The following CPA6 variants were observed in gnomAD, a reference collection of about 807,000 sequenced individuals.
CPA6 encodes carboxypeptidase B.
Under a neutral mutation model 63.3 loss-of-function variants are expected in CPA6, and 58 were observed. That is an observed-to-expected ratio of 0.92 (90% CI 0.74 to 1.14). The LOEUF (loss-of-function observed/expected upper bound fraction) is 1.14. Ranked by LOEUF, CPA6 falls within the 50% of genes most tolerant of loss-of-function variation. CPA6 has a pLI of 0.00. For synonymous variants in CPA6, 185 were observed against 179.0 expected, an observed-to-expected ratio of 1.03 and a Z score of -0.27; for missense variants, 565 against 526.6, an observed-to-expected ratio of 1.07 and a Z score of -0.71.
chr8:67,646,696 G>T (rs1285064025), intron 1 of CPA6, among the ~76,000 whole-genome samples: 1 of 152,186 alleles, frequency 6.6e-6, no homozygotes, highest in Non-Finnish European at 1.5e-5. Context: ...GGGTGGCCAT[G>T]GAAGGATCCC....
chr8:67,431,794 G>T (rs958158397), intron 9 of CPA6, among the ~76,000 whole-genome samples: 1 of 151,936 alleles, frequency 6.6e-6, no homozygotes, highest in African/African-American at 2.4e-5. Flanking sequence ...GGTGGAATTT[G>T]CTCAGAATTC....
At chr8:67,697,049 C>T (rs1816925012) in intron 1 of CPA6, among the ~76,000 whole-genome samples, 2 of 152,136 alleles carry the variant, frequency 1.3e-5, no homozygotes, top group South Asian at 4.1e-4. Flanking sequence ...GACATTACAC[C>T]CATTTTGCCC....
intron 1 of CPA6, among the ~76,000 whole-genome samples, chr8:67,740,308 C>A (rs1383691937): frequency 6.6e-6 from 1 of 152,176 alleles, no homozygotes; most frequent in Non-Finnish European, 1.5e-5. Flanking sequence ...ATGACTGGCT[C>A]TGATTTCTTG....
At chr8:67,563,900 T>G (rs1813274532) in intron 2 of CPA6, among the ~76,000 whole-genome samples, 2 of 152,306 alleles carry the variant, frequency 1.3e-5, no homozygotes, top group Admixed American at 6.5e-5. Context: ...AGCAGTCATC[T>G]TAGGCTGCAA....
chr8:67,610,283 T>C (rs1814771047), intron 2 of CPA6, among the ~76,000 whole-genome samples: 1 of 152,028 alleles, frequency 6.6e-6, no homozygotes, highest in Non-Finnish European at 1.5e-5. Flanking sequence ...GAAGGATTGC[T>C]TGAGCCCAGG....
chr8:67,599,640 G>T (rs73692550), intron 2 of CPA6, among the ~76,000 whole-genome samples: 2 of 152,172 alleles, frequency 1.3e-5, no homozygotes, highest in Admixed American at 6.5e-5. Flanking sequence ...AGCCAATGCT[G>T]ATTTGGTAAG....
chr8:67,730,741 T>C (rs1437710359), intron 1 of CPA6, among the ~76,000 whole-genome samples: 1 of 152,116 alleles, frequency 6.6e-6, no homozygotes, highest in Non-Finnish European at 1.5e-5. Context: ...AGACCAAATA[T>C]ATATGTTTCT....
intron 2 of CPA6, among the ~76,000 whole-genome samples, chr8:67,602,090 G>A (rs1023219987): frequency 1.3e-5 from 2 of 152,130 alleles, no homozygotes; most frequent in East Asian, 1.9e-4. Context: ...AGTGAAGAAG[G>A]CAAGTAGTAA....
chr8:67,742,988 C>G (rs917790320), intron 1 of CPA6, among the ~76,000 whole-genome samples: 4 of 151,836 alleles, frequency 2.6e-5, no homozygotes, highest in African/African-American at 9.7e-5. Context: ...TTCAATATCA[C>G]AGCATAATAA....
Position 67,667,833 on chromosome 8 carries a change from C to A in CPA6, c.117-43582G>T, listed in dbSNP as rs191581436. Among the ~76,000 whole-genome samples the A allele has an allele frequency of 3.3e-5, 5 of 152,304 alleles. No individual in the cohort carries two copies. In the East Asian group the frequency reaches 9.7e-4, roughly 29 times the overall value. ...TGGCTGCCAAGACTGGGCTGCTCACCCTTAGGAAGAGCTCAAGGGGTGCAG... is the reference window on the plus strand; with the variant it reads ...TGGCTGCCAAGACTGGGCTGCTCACACTTAGGAAGAGCTCAAGGGGTGCAG... On this transcript the variant is annotated intron_variant, in intron 1 of 10. Coordinates refer to ENST00000297770, the MANE Select transcript of CPA6 (RefSeq NM_020361.5).
chr8:67,450,495 A>G (rs1810532138), intron 8 of CPA6, among the ~76,000 whole-genome samples: 1 of 152,250 alleles, frequency 6.6e-6, no homozygotes, highest in East Asian at 1.9e-4. Context: ...ACTTATGTCA[A>G]TGAACGAAGG....
At chr8:67,546,528 A>G (rs1812821847) in intron 2 of CPA6, among the ~76,000 whole-genome samples, 1 of 152,168 alleles carries the variant, frequency 6.6e-6, no homozygotes, top group African/African-American at 2.4e-5. Context: ...GGCACTTTCA[A>G]CATCGCATGT....
rs888363735 is a variant in CPA6, at chr8:67,448,712, A to G, written c.839-14472T>C. 6.0e-5 allele frequency among the ~76,000 whole-genome samples: 9 copies of G among 151,150 alleles called. No individual in the cohort carries two copies. In the Middle Eastern group the frequency reaches 0.017, roughly 288 times the overall value. On this transcript the variant is annotated intron_variant, in intron 8 of 10. Coordinates refer to ENST00000297770, the MANE Select transcript of CPA6 (RefSeq NM_020361.5). ...AAAGAAAAAAAAGAAAGAAAGAAAA[A>G]GAAAAAAAGAAAGTTTTCCCTATCC...
chr8:67,676,020 C>T (rs941186662), intron 1 of CPA6, among the ~76,000 whole-genome samples: 5 of 152,122 alleles, frequency 3.3e-5, no homozygotes, highest in South Asian at 4.1e-4. Context: ...CCAACCTGTA[C>T]GTTTTTAAAT....
chr8:67,487,020 T>C (rs916975322), intron 6 of CPA6, among the ~76,000 whole-genome samples: 5 of 151,976 alleles, frequency 3.3e-5, no homozygotes, highest in African/African-American at 1.2e-4. Context: ...CAGGAGCCAC[T>C]TGGCTAAATA....
At chr8:67,592,641 T>C (rs1260409400) in intron 2 of CPA6, among the ~76,000 whole-genome samples, 1 of 152,070 alleles carries the variant, frequency 6.6e-6, no homozygotes, top group Non-Finnish European at 1.5e-5. Context: ...GAGGAATTTA[T>C]CCATTTCTTC....
At chr8:67,735,530 T>A (rs1587738898) in intron 1 of CPA6, 2 of 152,164 alleles carry the variant, frequency 1.3e-5, no homozygotes, top group East Asian at 3.8e-4. Context: ...ATGAAAAAAA[T>A]TGTCAATTTT....
intron 6 of CPA6, among the ~76,000 whole-genome samples, chr8:67,496,742 G>T (rs1322224045): frequency 1.3e-5 from 2 of 151,456 alleles, no homozygotes; most frequent in African/African-American, 4.9e-5. Flanking sequence ...TGTATTTTTA[G>T]TAGAAATGGG....
intron 1 of CPA6, among the ~76,000 whole-genome samples, chr8:67,662,381 T>C (rs957727832): frequency 5.3e-5 from 8 of 151,446 alleles, no homozygotes; most frequent in Non-Finnish European, 1.0e-4. Flanking sequence ...TTCTAGAAAA[T>C]GAGAAATGAG....
Sources: gnomAD v4.1 joint callset for allele counts (sites outside exome capture counted in the v4.1 genomes callset) on GRCh38, gnomAD v4.1.1 for gene constraint, MANE v1.5 for transcripts, NCBI Gene and HGNC (gene_info 2026-07-23, HGNC 2026-07-21) for gene names.